Variants in HTR4 observed in about 807,000 individuals in gnomAD.
The protein encoded by HTR4 is 5-hydroxytryptamine (serotonin) receptor 4, G protein-coupled.
HTR4 carries 16 observed loss-of-function variants against 36.8 expected under a neutral mutation model. The ratio of observed to expected loss-of-function variants is 0.43; its 90% CI spans 0.29 to 0.66. HTR4 has a LOEUF of 0.66. HTR4 is among the 30% of genes least tolerant of loss of function. The pLI is 0.13. For missense variants in HTR4, 438 were observed against 490.9 expected (o/e 0.89, Z 1.02); for synonymous variants, 189 against 185.1 (o/e 1.02, Z -0.17).
chr5:148,596,554 C>T (rs1053058272), intron 2 of HTR4, among the ~76,000 whole-genome samples: 4 of 152,014 alleles, frequency 2.6e-5, no homozygotes, highest in African/African-American at 9.7e-5. Flanking sequence ...GAGAGCTGAT[C>T]AGTGCATATT....
intron 2 of HTR4, among the ~76,000 whole-genome samples, chr5:148,578,724 A>G (rs934840476): frequency 2.0e-5 from 3 of 152,092 alleles, no homozygotes; most frequent in African/African-American, 7.2e-5. Context: ...TAAAACTGAT[A>G]ATCACAATAC....
chr5:148,634,321 T>C (rs772488866), intron 2 of HTR4, among the ~76,000 whole-genome samples: 2 of 152,178 alleles, frequency 1.3e-5, no homozygotes, highest in Non-Finnish European at 2.9e-5. Context: ...AACACAGGAA[T>C]GTCAGACATC....
chr5:148,640,096 A>C (rs958863393), intron 1 of HTR4, among the ~76,000 whole-genome samples: 1 of 152,146 alleles, frequency 6.6e-6, no homozygotes, highest in Non-Finnish European at 1.5e-5. Flanking sequence ...GCACTTGACC[A>C]ATCTGGGAAT....
rs891655908 is a variant in HTR4 at position 148,482,212 on chromosome 5, T to C, written c.*991A>G. On this transcript the variant is annotated 3_prime_UTR_variant, in exon 7 of 7. Transcript: ENST00000377888. ...ACCTTGGGGGAGCTGCAGGGGAAAA[T>C]GAGTTTCCCCAGTGTGAACTTCCAA... The C allele has an allele frequency of 8.1e-6, 8 of 985,332 alleles. No individual in the cohort carries two copies. Among genetic ancestry groups the C allele is most frequent in the Non-Finnish European group, 9.6e-6 (8 of 830,016 alleles). 61.0% of individuals were successfully genotyped at this position (985,332 alleles called of 1,614,324 possible). A position where few individuals can be genotyped will look rare whatever the true frequency, so the allele number is the denominator to read the frequency against.
Position 148,509,477 on chromosome 5 carries a change from T to C in HTR4, c.1055A>G (p.Asn352Ser). ...QTVPCSTTTI[N>S]GSTHVLRDAV... The stretch of plus-strand genomic sequence containing the variant: ...TCACCTTAGTACATGTGTGGATCCA[T>C]TAATGGTTGTGGTTGAACAAGGGAC... Residue 352 changes from asparagine to serine, a missense_variant, in exon 6 of 7, where the codon AAT becomes AGT. Asn to Ser is a conservative substitution (Grantham distance 46, BLOSUM62 1). Coordinates refer to ENST00000377888, the MANE Select transcript of HTR4 (RefSeq NM_000870.7). 6.2e-7 allele frequency: 1 copy of C among 1,611,260 alleles called. No individual in the cohort carries two copies. Among genetic ancestry groups the C allele is most frequent in the Non-Finnish European group, 8.5e-7 (1 of 1,178,412 alleles).
chr5:148,461,340 A>T (rs1338815780), intron 5 of HTR4, among the ~76,000 whole-genome samples: 1 of 151,984 alleles, frequency 6.6e-6, no homozygotes, highest in Non-Finnish European at 1.5e-5. Flanking sequence ...AATCGATCAG[A>T]AGTAAGACCA....
chr5:148,547,526 A>ATAAAATAAAAT (rs1554094290), intron 4 of HTR4, among the ~76,000 whole-genome samples: 1 of 125,108 alleles, frequency 8.0e-6, no homozygotes, highest in Admixed American at 8.4e-5. Context: ...CTCAAAAAAT[A>ATAAAATAAAAT]AAAATAAAAT....
chr5:148,632,620 A>G (rs1475839169), intron 2 of HTR4, among the ~76,000 whole-genome samples: 3 of 152,204 alleles, frequency 2.0e-5, no homozygotes, highest in Non-Finnish European at 2.9e-5. Context: ...GCAAGTTTAT[A>G]TACAAATGGA....
chr5:148,620,421 G>A (rs1477733082), intron 2 of HTR4, among the ~76,000 whole-genome samples: 1 of 152,188 alleles, frequency 6.6e-6, no homozygotes, highest in African/African-American at 2.4e-5. Context: ...ACCTTGGAAT[G>A]TATGTTCTAG....
At chr5:148,538,411 T>C (rs764949263) in intron 4 of HTR4, among the ~76,000 whole-genome samples, 1 of 152,052 alleles carries the variant, frequency 6.6e-6, no homozygotes, top group Non-Finnish European at 1.5e-5. Context: ...AGCACCCAAA[T>C]AGGAAGAAAG....
intron 5 of HTR4, among the ~76,000 whole-genome samples, chr5:148,463,669 G>A (rs1440681522): frequency 6.6e-6 from 1 of 151,634 alleles, no homozygotes; most frequent in Non-Finnish European, 1.5e-5. Flanking sequence ...TAGATCTAAT[G>A]CATTTCCAAT....
intron 6 of HTR4, among the ~76,000 whole-genome samples, chr5:148,504,114 G>T (rs1004902418): frequency 2.6e-5 from 4 of 152,146 alleles, no homozygotes; most frequent in Non-Finnish European, 4.4e-5. Context: ...GGATATCCAA[G>T]AATTAAACTC....
intron 2 of HTR4, among the ~76,000 whole-genome samples, chr5:148,554,761 T>C (rs1327804338): frequency 6.6e-6 from 1 of 152,132 alleles, no homozygotes; most frequent in Admixed American, 6.5e-5. Flanking sequence ...ATAATAAGCA[T>C]TGTTTGATAG....
chr5:148,464,660 G>A (rs903760573), intron 5 of HTR4, among the ~76,000 whole-genome samples: 1 of 152,086 alleles, frequency 6.6e-6, no homozygotes, highest in African/African-American at 2.4e-5. Flanking sequence ...TAGCCACTTT[G>A]GAACACAGTT....
intron 6 of HTR4, among the ~76,000 whole-genome samples, chr5:148,505,010 C>A (rs902967241): frequency 6.6e-6 from 1 of 152,076 alleles, no homozygotes; most frequent in Non-Finnish European, 1.5e-5. Context: ...TAATAGCCTA[C>A]CAACCAAAAA....
intron 1 of HTR4, among the ~76,000 whole-genome samples, chr5:148,651,211 T>A (rs1187342561): frequency 6.6e-6 from 1 of 152,152 alleles, no homozygotes; most frequent in African/African-American, 2.4e-5. Context: ...CTATTAAGAT[T>A]ATTATTATAT....
At chr5:148,504,912 T>G (rs948030332) in intron 6 of HTR4, among the ~76,000 whole-genome samples, 2 of 152,242 alleles carry the variant, frequency 1.3e-5, no homozygotes, top group Non-Finnish European at 1.5e-5. Flanking sequence ...GATAAATTCC[T>G]GGACACATAC....
chr5:148,456,965 A>C (rs1755115337), intron 5 of HTR4, among the ~76,000 whole-genome samples: 1 of 152,230 alleles, frequency 6.6e-6, no homozygotes, highest in Admixed American at 6.5e-5. Flanking sequence ...CAGTAACTGA[A>C]CAAACGTTTA....
chr5:148,638,809 C>T (rs542117771), intron 1 of HTR4, among the ~76,000 whole-genome samples: 8 of 152,232 alleles, frequency 5.3e-5, no homozygotes, highest in African/African-American at 1.7e-4. Context: ...AATCCCAACA[C>T]TTTGGGGGGC....
Sources: allele counts gnomAD v4.1 joint callset (sites outside exome capture counted in the v4.1 genomes callset), GRCh38; gene constraint gnomAD v4.1.1; transcripts MANE v1.5; gene names NCBI Gene and HGNC (gene_info 2026-07-23, HGNC 2026-07-21).